Variants in IPO7 observed in about 807,000 individuals in gnomAD.
IPO7 encodes the protein importin 7, also known as importin-7.
In IPO7, 13 loss-of-function variants were observed where a neutral mutation model predicts 136.4. The ratio of observed to expected loss-of-function variants is 0.10; its 90% confidence interval spans 0.06 to 0.15. The LOEUF is 0.15. IPO7 is among the 10% of genes least tolerant of loss of function. IPO7 has a pLI of 1.00. For missense variants in IPO7, 857 were observed against 1,240.6 expected (o/e 0.69, Z 4.65); for synonymous variants, 403 against 404.4 (o/e 1.00, Z 0.04).
intron 16 of IPO7, among the ~76,000 whole-genome samples, chr11:9,431,414 G>C (rs1855292240): frequency 1.3e-5 from 2 of 150,458 alleles, no homozygotes; most frequent in African/African-American, 4.9e-5. Context: ...CATCTTCCTA[G>C]TTTTCTTCTT....
chr11:9,430,339 G>A (rs1855275909), intron 15 of IPO7: 1 of 155,088 alleles, frequency 6.4e-6, no homozygotes, highest in Admixed American at 6.4e-5. Context: ...AAAATATGAG[G>A]TATAAAATGG....
At chr11:9,392,338 C>T (rs1028405462) in intron 1 of IPO7, 7 of 270,320 alleles carry the variant, frequency 2.6e-5, no homozygotes, top group East Asian at 2.8e-4. Context: ...TTACCACGTC[C>T]GGCTAATTTT....
chr11:9,394,216 A>G (rs984333499), intron 1 of IPO7, among the ~76,000 whole-genome samples: 1 of 152,184 alleles, frequency 6.6e-6, no homozygotes, highest in Non-Finnish European at 1.5e-5. Context: ...CCACGCAGTC[A>G]GAGGGGAAAG....
chr11:9,423,271 T>C (rs1855159242), intron 9 of IPO7, 131 bp downstream of exon 9: 1 of 548,486 alleles, frequency 1.8e-6, no homozygotes, highest in Non-Finnish European at 3.1e-6. Context: ...GTTTTGAGAG[T>C]ATAGCAGAAA....
At chr11:9,397,341 A>AAAAAAAATATATATAT in intron 1 of IPO7, among the ~76,000 whole-genome samples, 211 of 10,768 alleles carry the variant, frequency 0.02, 20 homozygotes, top group Admixed American at 0.033. Context: ...TTTAAAAAAA[A>AAAAAAAATATATATAT]ATATATATAT....
chr11:9,388,119 C>T (rs565048634), intron 1 of IPO7, among the ~76,000 whole-genome samples: 1 of 151,718 alleles, frequency 6.6e-6, no homozygotes, highest in African/African-American at 2.4e-5. Flanking sequence ...TGCACTCCAG[C>T]CTGAGCAACA....
At chr11:9,429,983 G>C (rs767986696) in intron 15 of IPO7, 149 bp downstream of exon 15, 117 of 573,458 alleles carry the variant, frequency 2.0e-4, no homozygotes, top group Non-Finnish European at 3.0e-4. Flanking sequence ...TTTTTCCACA[G>C]ATGGTCCGGG....
At chr11:9,438,889 A>T (rs938301133) in intron 22 of IPO7, among the ~76,000 whole-genome samples, 5 of 152,166 alleles carry the variant, frequency 3.3e-5, no homozygotes, top group African/African-American at 1.2e-4. Flanking sequence ...AAAGTTTTCT[A>T]TCCGACTGTG....
intron 18 of IPO7, 30 bp from the exon 19 acceptor site, chr11:9,434,904 A>G: frequency 7.4e-7 from 1 of 1,351,064 alleles, no homozygotes; most frequent in Non-Finnish European, 1.1e-6. Context: ...GTTACTAAAG[A>G]TGTGTAACCG....
chr11:9,437,812 G>C lies in IPO7; in HGVS notation c.2327G>C (p.Ser776Thr). The change falls in exon 21 of 25, where the codon AGT (serine) becomes ACT (threonine). Residue 776 changes from serine to threonine, a missense_variant. Transcript: ENST00000379719. ...LERLTREVKT[S>T]ELRTMCLQVA... ...AGACTGACAAGAGAGGTTAAGACAA[G>C]TGAACTTCGAACTATGTGTCTGCAA... 6.2e-7 allele frequency: 1 copy of C among 1,614,154 alleles called. No homozygotes were observed. The highest frequency in any genetic ancestry group is 8.5e-7 in the Non-Finnish European group (1 of 1,180,008).
intron 12 of IPO7, among the ~76,000 whole-genome samples, chr11:9,427,547 A>T (rs1470820002): frequency 6.6e-6 from 1 of 152,226 alleles, no homozygotes; most frequent in African/African-American, 2.4e-5. Flanking sequence ...GGCGTGAATC[A>T]CTGCACCCGG....
chr11:9,435,822 T>A (rs1429616862), intron 19 of IPO7, among the ~76,000 whole-genome samples: 2 of 152,184 alleles, frequency 1.3e-5, no homozygotes, highest in Non-Finnish European at 2.9e-5. Context: ...CTCCCTCCGT[T>A]CCTCTCTCCC....
intron 2 of IPO7, among the ~76,000 whole-genome samples, chr11:9,403,825 TTA>T (rs1490466103): frequency 6.6e-6 from 1 of 152,184 alleles, no homozygotes; most frequent in East Asian, 1.9e-4. Flanking sequence ...TTTCTGAATA[TTA>T]TGTTAGTCTG....
chr11:9,432,921 G>A (rs754385759), intron 16 of IPO7, among the ~76,000 whole-genome samples: 1 of 150,672 alleles, frequency 6.6e-6, no homozygotes, highest in Non-Finnish European at 1.5e-5. Flanking sequence ...CATTGACGGT[G>A]ACTTTTCAAT....
At chr11:9,409,545 A>G (rs1277747612) in intron 3 of IPO7, among the ~76,000 whole-genome samples, 1 of 151,928 alleles carries the variant, frequency 6.6e-6, no homozygotes, top group Non-Finnish European at 1.5e-5. Context: ...AGGCCCAGCT[A>G]ATTTTTGTGT....
At chr11:9,404,863 G>A (rs1315876986) in intron 2 of IPO7, among the ~76,000 whole-genome samples, 1 of 152,092 alleles carries the variant, frequency 6.6e-6, no homozygotes, top group Admixed American at 6.5e-5. Flanking sequence ...ACCGCGCCCG[G>A]CCTTCAGATT....
intron 1 of IPO7, among the ~76,000 whole-genome samples, chr11:9,394,088 A>G (rs949140460): frequency 1.3e-5 from 2 of 151,832 alleles, no homozygotes; most frequent in African/African-American, 4.8e-5. Flanking sequence ...CATGTTGGCC[A>G]GGATGGTCTC....
intron 12 of IPO7, among the ~76,000 whole-genome samples, chr11:9,426,290 G>C (rs755918376): frequency 3.3e-5 from 5 of 152,040 alleles, no homozygotes; most frequent in Non-Finnish European, 5.9e-5. Flanking sequence ...GCTCTTTGTG[G>C]GTGACTTCTT....
chr11:9,426,509 T>C (rs904936467), intron 12 of IPO7, among the ~76,000 whole-genome samples: 2 of 152,208 alleles, frequency 1.3e-5, no homozygotes, highest in Admixed American at 1.3e-4. Context: ...TCATTTTTCA[T>C]GGGTATATAC....
Sources: allele counts gnomAD v4.1 joint callset (sites outside exome capture counted in the v4.1 genomes callset), GRCh38; gene constraint gnomAD v4.1.1; transcripts MANE v1.5; gene names NCBI Gene and HGNC (gene_info 2026-07-23, HGNC 2026-07-21).